RS1: variants seen among roughly 807,000 people sequenced by gnomAD.
RS1 encodes the protein retinoschisin.
In RS1, 2 loss-of-function variants were observed where a neutral mutation model predicts 20.8. The ratio of observed to expected loss-of-function variants is 0.10; its 90% CI spans 0.04 to 0.30. The LOEUF (loss-of-function observed/expected upper bound fraction) is 0.30, where lower values mean the gene tolerates loss of function less well. RS1 is among the 10% of genes least tolerant of loss of function. The pLI is 1.00. For synonymous variants in RS1, 70 were observed against 75.8 expected, an observed-to-expected ratio of 0.92 and a Z score of 0.40; for missense variants, 151 against 189.8, an observed-to-expected ratio of 0.80 and a Z score of 1.20.
chrX:18,671,467 C>T (rs1294529724), intron 1 of RS1, among the ~76,000 whole-genome samples: 4 of 111,960 alleles, frequency 3.6e-5, no homozygotes, highest in Non-Finnish European at 5.6e-5. Context: ...AGTGAGTGTA[C>T]TGAGTCTCCG....
At chrX:18,662,525 C>T (rs942719542) in intron 1 of RS1, among the ~76,000 whole-genome samples, 6 of 111,150 alleles carry the variant, frequency 5.4e-5, no homozygotes, top group Non-Finnish European at 7.5e-5. Flanking sequence ...TTGTTCAGTT[C>T]CCACCTATGA....
chrX:18,653,982 A>T (rs2147201749), intron 3 of RS1, among the ~76,000 whole-genome samples: 1 of 110,705 alleles, frequency 9.0e-6, no homozygotes, highest in East Asian at 2.8e-4. Context: ...AAAAAATAAA[A>T]AAATAAAAAA....
At chrX:18,662,989 G>C (rs1412238226) in intron 1 of RS1, among the ~76,000 whole-genome samples, 1 of 105,776 alleles carries the variant, frequency 9.5e-6, no homozygotes, top group African/African-American at 3.5e-5. Context: ...TCTTAATCCA[G>C]TCTATCACTG....
At chrX:18,648,485 A>G (rs1927887508) in intron 3 of RS1, among the ~76,000 whole-genome samples, 1 of 110,251 alleles carries the variant, frequency 9.1e-6, no homozygotes, top group Admixed American at 9.6e-5. Context: ...CAAGGGATCC[A>G]CCTGCCTCGG....
At chrX:18,654,984 A>G (rs1489543580) in intron 3 of RS1, among the ~76,000 whole-genome samples, 1 of 110,621 alleles carries the variant, frequency 9.0e-6, no homozygotes, top group East Asian at 2.8e-4. Flanking sequence ...AAGTGGCACA[A>G]TACCATCATA....
intron 5 of RS1, among the ~76,000 whole-genome samples, chrX:18,643,415 G>A (rs909766533): frequency 9.0e-6 from 1 of 111,096 alleles, no homozygotes; most frequent in African/African-American, 3.3e-5. Flanking sequence ...GCCTATTCAA[G>A]TCAGGAGCCA....
At chrX:18,649,779 G>C (rs1176417565) in intron 3 of RS1, among the ~76,000 whole-genome samples, 1 of 112,262 alleles carries the variant, frequency 8.9e-6, no homozygotes, top group Non-Finnish European at 1.9e-5. Flanking sequence ...CGAGGACTGA[G>C]TGCCTGCGGA....
At chrX:18,666,593 C>T (rs888670859) in intron 1 of RS1, among the ~76,000 whole-genome samples, 2 of 111,551 alleles carry the variant, frequency 1.8e-5, no homozygotes, top group African/African-American at 6.5e-5. Context: ...TTCAAAGGCT[C>T]CCTCTGGTAC....
At chrX:18,657,336 T>G (rs1443743007) in intron 2 of RS1, among the ~76,000 whole-genome samples, 18 of 102,816 alleles carry the variant, frequency 1.8e-4, no homozygotes, top group African/African-American at 6.4e-4. Context: ...TTCTCTTGCC[T>G]CAGCCTCCCA....
chrX:18,650,376 A>G (rs1317682563), intron 3 of RS1: 2 of 1,203,874 alleles, frequency 1.7e-6, no homozygotes, highest in Non-Finnish European at 2.3e-6. Context: ...CCGGGCCCCA[A>G]GCTTCATTCC....
chrX:18,661,783 T>G (rs1010691052), intron 1 of RS1, among the ~76,000 whole-genome samples: 1 of 112,203 alleles, frequency 8.9e-6, no homozygotes. Context: ...GCCGGCGCAC[T>G]CCTCTCAACG....
intron 3 of RS1, among the ~76,000 whole-genome samples, chrX:18,653,136 G>A (rs933065450): frequency 1.8e-5 from 2 of 112,317 alleles, no homozygotes; most frequent in Non-Finnish European, 3.8e-5. Context: ...ATAAGCTCAA[G>A]CATCATATAG....
chrX:18,642,058 G>T lies in RS1; in HGVS notation c.621C>A (p.His207Gln), dbSNP rs281865360. Residue 207 changes from histidine (H) to glutamine (Q), a missense_variant, in exon 6 of 6, where the codon CAC (histidine) becomes CAA (glutamine). By Grantham distance (24) the His-to-Gln change is conservative. Coordinates refer to ENST00000379984, the MANE Select transcript of RS1 (RefSeq NM_000330.4). ...GCTCCATCCGGATGGCAATGCGGAC[G>T]TGCCAGCCCAGCGGGATGAGGCGGA... ...RFIRLIPLGW[H>Q]VRIAIRMELL... 8.3e-7 allele frequency: 1 copy of T among 1,211,645 alleles called. No individual in the cohort carries two copies. Among genetic ancestry groups the T allele is most frequent in the Admixed American group, 2.2e-5 (1 of 46,046 alleles).
At chrX:18,657,040 G>C (rs1251971863) in intron 2 of RS1, among the ~76,000 whole-genome samples, 1 of 109,350 alleles carries the variant, frequency 9.1e-6, no homozygotes, top group Non-Finnish European at 1.9e-5. Flanking sequence ...CAGGAGTGTG[G>C]GGAGCCCCAA....
chrX:18,653,243 C>T (rs1234560937), intron 3 of RS1, among the ~76,000 whole-genome samples: 1 of 111,813 alleles, frequency 8.9e-6, no homozygotes, highest in Admixed American at 9.5e-5. Flanking sequence ...CTCAGAGTGC[C>T]GGGGTAATCT....
In RS1 at chrX:18,642,125, G is replaced by A. The variant is rs61753173; in HGVS notation, c.554C>T (p.Thr185Met). Residue 185 changes from threonine (T) to methionine (M), a missense_variant, in exon 6 of 6, where the codon ACG becomes ATG. By Grantham distance (81) the Thr-to-Met change is moderately conservative. Coordinates refer to ENST00000379984, the MANE Select transcript of RS1 (RefSeq NM_000330.4). Reference protein sequence around the residue: ...VFYGNSDRTSTVQNLLRPPII... With the variant: ...VFYGNSDRTSMVQNLLRPPII... ...GGGGGGCCGCAGCAGGTTCTGAACC[G>A]TGGAGGTGCGGTCCGAGTTGCCATA... 8 of 1,211,890 alleles carry A rather than the reference G, an allele frequency of 6.6e-6. No homozygotes were observed. The highest frequency in any genetic ancestry group is 5.9e-5 in the East Asian group (2 of 33,847).
At chrX:18,670,632 A>T (rs1928478159) in intron 1 of RS1, among the ~76,000 whole-genome samples, 1 of 111,600 alleles carries the variant, frequency 9.0e-6, no homozygotes, top group Non-Finnish European at 1.9e-5. Context: ...AAAGAAGAGA[A>T]ATCCGAGAGT....
At chrX:18,664,117 A>T (rs908499703) in intron 1 of RS1, among the ~76,000 whole-genome samples, 2 of 112,417 alleles carry the variant, frequency 1.8e-5, no homozygotes, top group East Asian at 5.5e-4. Flanking sequence ...GTGCTAGATG[A>T]TCCATAGCGG....
chrX:18,647,128 G>T (rs1302987372), intron 4 of RS1, 63 bp downstream of exon 4: 1 of 1,160,051 alleles, frequency 8.6e-7, no homozygotes, highest in African/African-American at 1.8e-5. Flanking sequence ...TGTTGGCCAC[G>T]CTGGTAGAGA....
Sources: gnomAD v4.1 joint callset for allele counts (sites outside exome capture counted in the v4.1 genomes callset) on GRCh38, gnomAD v4.1.1 for gene constraint, MANE v1.5 for transcripts, NCBI Gene and HGNC (gene_info 2026-07-23, HGNC 2026-07-21) for gene names.